CTNND2: variants seen among roughly 807,000 people sequenced by gnomAD.
CTNND2 encodes catenin delta 2, also known as catenin delta-2.
Under a neutral mutation model 144.4 loss-of-function variants are expected in CTNND2, and 22 were observed. That is an observed-to-expected ratio of 0.15 (90% CI 0.11 to 0.22). CTNND2 has a LOEUF of 0.22. Ranked by LOEUF, CTNND2 falls within the 10% of genes least tolerant of loss-of-function variation. The probability of loss-of-function intolerance (pLI) is 1.00; values close to 1 mark genes in which losing one functional copy is unlikely to be tolerated. For synonymous variants in CTNND2, 751 were observed against 695.6 expected (o/e 1.08, Z -1.25); for missense variants, 1,353 against 1,618.8 (o/e 0.84, Z 2.82).
At chr5:11,182,090 GGTGTGTGTGGATGGA>G (rs1735108833) in intron 11 of CTNND2, among the ~76,000 whole-genome samples, 1 of 138,974 alleles carries the variant, frequency 7.2e-6, no homozygotes, top group African/African-American at 2.7e-5. Flanking sequence ...GTATGTGTGG[GGTGTGTGTGGATGGA>G]GTGTGTGTGT....
intron 1 of CTNND2, among the ~76,000 whole-genome samples, chr5:11,807,797 AT>A (rs948886005): frequency 6.6e-6 from 1 of 152,198 alleles, no homozygotes; most frequent in Non-Finnish European, 1.5e-5. Flanking sequence ...CCAAAAGGAA[AT>A]GCATGACATG....
chr5:11,647,040 T>A (rs530746148), intron 2 of CTNND2, among the ~76,000 whole-genome samples: 68 of 152,320 alleles, frequency 4.5e-4, no homozygotes, highest in Middle Eastern at 3.4e-3. Flanking sequence ...TCCAGCACTT[T>A]CAGTACATAA....
chr5:11,320,225 T>C (rs2150067151), intron 9 of CTNND2, among the ~76,000 whole-genome samples: 1 of 152,350 alleles, frequency 6.6e-6, no homozygotes, highest in Non-Finnish European at 1.5e-5. Flanking sequence ...TTTCTTTAGT[T>C]TCTGTAAATG....
intron 3 of CTNND2, among the ~76,000 whole-genome samples, chr5:11,447,284 A>T (rs1414178819): frequency 6.6e-6 from 1 of 151,584 alleles, no homozygotes; most frequent in African/African-American, 2.4e-5. Context: ...GGAGGTTGCA[A>T]TGAGCTGAGA....
chr5:11,324,532 T>G (rs547590207), intron 9 of CTNND2, among the ~76,000 whole-genome samples: 1 of 152,372 alleles, frequency 6.6e-6, no homozygotes, highest in African/African-American at 2.4e-5. Context: ...CCTTCACTTG[T>G]ATTCACAATC....
intron 12 of CTNND2, among the ~76,000 whole-genome samples, chr5:11,151,265 T>C (rs1485032878): frequency 6.6e-6 from 1 of 152,226 alleles, no homozygotes; most frequent in Non-Finnish European, 1.5e-5. Flanking sequence ...TTATGGTTAA[T>C]AGATTTGTTT....
chr5:11,778,970 G>A (rs2126842964), intron 1 of CTNND2, among the ~76,000 whole-genome samples: 1 of 152,250 alleles, frequency 6.6e-6, no homozygotes, highest in African/African-American at 2.4e-5. Flanking sequence ...AGTTTAAGCA[G>A]AAACACTGGC....
At chr5:11,836,974 A>T (rs2126974332) in intron 1 of CTNND2, among the ~76,000 whole-genome samples, 1 of 152,278 alleles carries the variant, frequency 6.6e-6, no homozygotes, top group East Asian at 1.9e-4. Flanking sequence ...CAGTAAAGGG[A>T]ATTGCCATAG....
At chr5:11,635,939 C>G (rs1469298106) in intron 2 of CTNND2, among the ~76,000 whole-genome samples, 4 of 151,982 alleles carry the variant, frequency 2.6e-5, no homozygotes, top group African/African-American at 9.7e-5. Flanking sequence ...TATATCACAA[C>G]TGAAAACTCT....
chr5:11,346,548 G>A lies in CTNND2; in HGVS notation c.1452C>T (p.Ala484=). ...CGGCATAGCTGGCCCTCTGGAAGGT[G>A]GCCGCGGCGGCATTCTGTGGGCCGT... The part of the protein sequence containing the change: ...SQHGPQNAAA[A]TFQRASYAAG... The change falls in exon 9 of 22, where the codon GCC becomes GCT. Residue 484 remains alanine (A), a synonymous_variant. Transcript: ENST00000304623. 6.2e-7 allele frequency: 1 copy of A among 1,603,390 alleles called. No individual in the cohort carries two copies. The highest frequency in any genetic ancestry group is 8.5e-7 in the Non-Finnish European group (1 of 1,175,208).
At chr5:11,412,471 G>C (rs1761620158) in intron 3 of CTNND2, among the ~76,000 whole-genome samples, 1 of 151,980 alleles carries the variant, frequency 6.6e-6, no homozygotes, top group African/African-American at 2.4e-5. Flanking sequence ...TTTTATTAGA[G>C]AGATGAAATA....
chr5:11,812,419 T>G (rs920462225), intron 1 of CTNND2, among the ~76,000 whole-genome samples: 1 of 152,214 alleles, frequency 6.6e-6, no homozygotes, highest in Non-Finnish European at 1.5e-5. Context: ...GCATGACCCC[T>G]ATTTACCTTC....
At chr5:11,635,907 G>A (rs1292854011) in intron 2 of CTNND2, among the ~76,000 whole-genome samples, 3 of 151,934 alleles carry the variant, frequency 2.0e-5, no homozygotes, top group Non-Finnish European at 4.4e-5. Flanking sequence ...CATGTATTTT[G>A]GAGTATCTTT....
chr5:11,557,247 A>G (rs1776304055), intron 3 of CTNND2, among the ~76,000 whole-genome samples: 1 of 152,148 alleles, frequency 6.6e-6, no homozygotes, highest in Non-Finnish European at 1.5e-5. Context: ...ACAGTTTTAT[A>G]AGTTTTGTCA....
rs886797216 is a variant in CTNND2 at position 11,759,156 on chromosome 5, C to A, written c.38-26884G>T. Among the ~76,000 whole-genome samples, 11 of 151,690 alleles carry A rather than the reference C, an allele frequency of 7.3e-5. No individual in the cohort carries two copies. The East Asian group carries it at 2.1e-3, about 29-fold the overall frequency. On this transcript the variant is annotated intron_variant, in intron 1 of 21. Transcript: ENST00000304623. The stretch of plus-strand genomic sequence containing the variant: ...ATTGGTCTTTTTGGAGGGAGAGGTC[C>A]AAGCATGAACCTGATTATAATCTAC...
intron 3 of CTNND2, among the ~76,000 whole-genome samples, chr5:11,430,603 T>C (rs962508976): frequency 3.3e-5 from 5 of 152,204 alleles, no homozygotes; most frequent in African/African-American, 1.2e-4. Flanking sequence ...TTAGAGAAAC[T>C]GGACTTAGAA....
At chr5:11,132,559 C>T (rs1053846227) in intron 12 of CTNND2, among the ~76,000 whole-genome samples, 1 of 152,138 alleles carries the variant, frequency 6.6e-6, no homozygotes, top group South Asian at 2.1e-4. Context: ...AGAACCCAAC[C>T]GTGAAGGCAC....
At chr5:11,470,053 A>G (rs1466601971) in intron 3 of CTNND2, among the ~76,000 whole-genome samples, 2 of 152,188 alleles carry the variant, frequency 1.3e-5, no homozygotes, top group Admixed American at 6.5e-5. Flanking sequence ...ACAGCATATA[A>G]TAATTCTATG....
At chr5:11,835,484 T>A (rs923810513) in intron 1 of CTNND2, among the ~76,000 whole-genome samples, 1 of 152,236 alleles carries the variant, frequency 6.6e-6, no homozygotes, top group Non-Finnish European at 1.5e-5. Context: ...AATTATGAGT[T>A]CAATTTCCTT....
Sources: gnomAD v4.1 joint callset for allele counts (sites outside exome capture counted in the v4.1 genomes callset) on GRCh38, gnomAD v4.1.1 for gene constraint, MANE v1.5 for transcripts, NCBI Gene and HGNC (gene_info 2026-07-23, HGNC 2026-07-21) for gene names.